The following ITGAM variants were observed in gnomAD, a reference collection of about 807,000 sequenced individuals.
ITGAM encodes the protein integrin subunit alpha M.
ITGAM carries 79 observed loss-of-function variants against 137.5 expected under a neutral mutation model. The ratio of observed to expected loss-of-function variants is 0.57; its 90% CI spans 0.48 to 0.69. The LOEUF (loss-of-function observed/expected upper bound fraction) is 0.69, where lower values mean the gene tolerates loss of function less well. Among genes scored for constraint, ITGAM ranks in the 30% least tolerant of loss-of-function variants. The pLI is 0.00. For missense variants in ITGAM, 1,343 were observed against 1,483.5 expected (o/e 0.91, Z 1.56); for synonymous variants, 583 against 592.3 (o/e 0.98, Z 0.23).
At chr16:31,329,105 A>ACCCCC in intron 23 of ITGAM, 123 bp from the exon 24 acceptor site, 1 of 88,828 alleles carries the variant, frequency 1.1e-5, no homozygotes, top group Non-Finnish European at 2.3e-5. Flanking sequence ...CCCCATCTCC[A>ACCCCC]CCCCCCAGGA....
chr16:31,292,688 CAT>C (rs2080098633), intron 12 of ITGAM, among the ~76,000 whole-genome samples: 1 of 151,986 alleles, frequency 6.6e-6, no homozygotes. Context: ...AGGTTGATTC[CAT>C]GTTTTGCTAT....
In ITGAM at chr16:31,324,454, T is replaced by C; in HGVS notation, c.2058T>C (p.His686=). The stretch of plus-strand genomic sequence containing the variant: ...TGGCTCTGGACTCCGGCCGCCCACA[T>C]TCCCGCGCCGTCTTCAATGAGACAA... ...YDLALDSGRP[H]SRAVFNETKN... is the part of the protein sequence containing the mutation. The change falls in exon 17 of 30, where the codon CAT becomes CAC. Residue 686 remains histidine (H), a synonymous_variant. Coordinates refer to ENST00000544665, the MANE Select transcript of ITGAM (RefSeq NM_000632.4). This position sits in a 1 kb window ranked among gnomAD's most constrained non-coding sequence, Gnocchi z 4.5. The C allele has an allele frequency of 6.4e-7, 1 of 1,560,964 alleles. No individual in the cohort carries two copies.
chr16:31,279,931 G>C (rs1169808178), intron 12 of ITGAM, among the ~76,000 whole-genome samples: 9 of 152,072 alleles, frequency 5.9e-5, no homozygotes, highest in East Asian at 1.9e-4. Flanking sequence ...TGTAAGGAAG[G>C]GATCCAGTTT....
chr16:31,324,907 A>G lies in ITGAM; in HGVS notation c.2290-51A>G. ...TTTGATTTTATTGTTTAATTTCACA[A>G]TACTTGGTTATTTTCTTTCCTTTCA... On this transcript the variant is annotated intron_variant, in intron 18 of 29. Coordinates refer to ENST00000544665, the MANE Select transcript of ITGAM (RefSeq NM_000632.4). The surrounding 1 kb of genome is among the most constrained non-coding windows in gnomAD (Gnocchi z 4.5). 1.3e-6 allele frequency: 2 copies of G among 1,558,188 alleles called. No individual in the cohort carries two copies. The highest frequency in any genetic ancestry group is 1.7e-6 in the Non-Finnish European group (2 of 1,146,396).
intron 14 of ITGAM, among the ~76,000 whole-genome samples, chr16:31,302,320 T>C (rs961808828): frequency 1.3e-5 from 2 of 152,192 alleles, no homozygotes; most frequent in African/African-American, 4.8e-5. Flanking sequence ...CACTGTGCAA[T>C]CTAGTGCTGT....
At chr16:31,331,366 G>T (rs2144512649) in intron 29 of ITGAM, 91 bp downstream of exon 29, 1 of 805,916 alleles carries the variant, frequency 1.2e-6, no homozygotes, top group Non-Finnish European at 2.1e-6. Flanking sequence ...GGGGCTGCCA[G>T]CTGTGTGACT....
intron 28 of ITGAM, 122 bp downstream of exon 28, chr16:31,330,727 C>CA: frequency 1.5e-6 from 1 of 671,526 alleles, no homozygotes; most frequent in Non-Finnish European, 2.5e-6. Context: ...GACAGAGAGA[C>CA]AGAGAGATAC....
intron 12 of ITGAM, among the ~76,000 whole-genome samples, chr16:31,294,432 T>G (rs554770063): frequency 6.6e-6 from 1 of 152,174 alleles, no homozygotes; most frequent in South Asian, 2.1e-4. Context: ...ATTGAGAATT[T>G]TTAACATAAA....
At chr16:31,271,708 TG>T in intron 6 of ITGAM, 138 bp from the exon 7 acceptor site, 1 of 1,017,634 alleles carries the variant, frequency 9.8e-7, no homozygotes, top group Non-Finnish European at 1.4e-6. Flanking sequence ...CTCTCCGTCC[TG>T]GTGAGGCAGG....
rs560730892 is a variant in ITGAM, at chr16:31,330,433, C to T, written c.3174+12C>T. On this transcript the variant is annotated intron_variant, in intron 27 of 29. Coordinates refer to ENST00000544665, the MANE Select transcript of ITGAM (RefSeq NM_000632.4). ...ACTGGTACATCAAGGTGTGTGGGGT[C>T]CTGAGGCTTCGCCGGGCACAGGCGT... 5.0e-6 allele frequency: 8 copies of T among 1,612,082 alleles called. 1 individual carries two copies. The South Asian group carries it at 7.7e-5, about 15-fold the overall frequency.
chr16:31,281,339 C>T lies in ITGAM; in HGVS notation c.1356+3230C>T, dbSNP rs551847302. 5.3e-5 allele frequency among the ~76,000 whole-genome samples: 8 copies of T among 152,238 alleles called. No individual in the cohort carries two copies. The East Asian group carries it at 1.2e-3, about 22-fold the overall frequency. On this transcript the variant is annotated intron_variant, in intron 12 of 29. Coordinates refer to ENST00000544665, the MANE Select transcript of ITGAM (RefSeq NM_000632.4). ...CTCTGGTAGAATTCAGCTGTGAATC[C>T]GTCTGGTCCTGGACTTTTTTTGGTT...
intron 11 of ITGAM, 54 bp from the exon 12 acceptor site, chr16:31,277,913 A>G: frequency 1.3e-6 from 2 of 1,535,682 alleles, no homozygotes; most frequent in Admixed American, 4.0e-5. Context: ...GTGGGTCTGC[A>G]TGGTGGAGGA....
intron 14 of ITGAM, 116 bp from the exon 15 acceptor site, chr16:31,321,125 G>C: frequency 8.6e-7 from 1 of 1,162,574 alleles, no homozygotes. Context: ...AGTTGCAAGA[G>C]ATGAGACTTG....
chr16:31,329,382 G>A, intron 24 of ITGAM, 79 bp downstream of exon 24: 1 of 1,076,042 alleles, frequency 9.3e-7, no homozygotes, highest in Admixed American at 2.0e-5. Flanking sequence ...AAACAGGGAT[G>A]GGAAATGTGC....
chr16:31,267,397 C>T (rs982854402), intron 5 of ITGAM, among the ~76,000 whole-genome samples: 1 of 152,050 alleles, frequency 6.6e-6, no homozygotes, highest in Non-Finnish European at 1.5e-5. Context: ...GGCATGGACT[C>T]CCTCCACTTT....
At chr16:31,303,152 C>G (rs1432354533) in intron 14 of ITGAM, among the ~76,000 whole-genome samples, 1 of 151,692 alleles carries the variant, frequency 6.6e-6, no homozygotes, top group Non-Finnish European at 1.5e-5. Flanking sequence ...TCCTTCTCAG[C>G]TGCCCAAGTA....
At position 31,332,056 on chromosome 16, in the gene ITGAM, G is replaced by T. The variant is rs1315992703; in HGVS notation, c.*349G>T. 3 of 256,996 alleles carry T rather than the reference G, an allele frequency of 1.2e-5. No homozygotes were observed. Among genetic ancestry groups the T allele is most frequent in the Non-Finnish European group, 2.2e-5 (3 of 133,690 alleles). 15.9% of individuals were successfully genotyped at this position (256,996 alleles called of 1,614,324 possible). ...GCTCAGGGGCGTGTGGCTCACGTGT[G>T]TGACTCAGATGTCTCTGGCGTGTGG... On this transcript the variant is annotated 3_prime_UTR_variant, in exon 30 of 30. Coordinates refer to ENST00000544665, the MANE Select transcript of ITGAM (RefSeq NM_000632.4).
At chr16:31,284,487 G>A (rs1166573896) in intron 12 of ITGAM, among the ~76,000 whole-genome samples, 5 of 120,728 alleles carry the variant, frequency 4.1e-5, no homozygotes, top group East Asian at 3.9e-4. Context: ...TGCTGTGCTA[G>A]CGTGAGCAAG....
At chr16:31,305,744 T>G (rs1462932899) in intron 14 of ITGAM, among the ~76,000 whole-genome samples, 1 of 152,226 alleles carries the variant, frequency 6.6e-6, no homozygotes, top group Non-Finnish European at 1.5e-5. Context: ...TCTTTAATTC[T>G]GTTTATGTGA....
Sources: gnomAD v4.1 joint callset for allele counts (sites outside exome capture counted in the v4.1 genomes callset) on GRCh38, gnomAD v4.1.1 for gene constraint, Gnocchi (gnomAD v3.1) non-coding constraint, MANE v1.5 for transcripts, NCBI Gene and HGNC (gene_info 2026-07-23, HGNC 2026-07-21) for gene names.